The following SYT1 variants were observed in gnomAD, a reference collection of about 807,000 sequenced individuals.
The protein encoded by SYT1 is synaptotagmin-1.
Under a neutral mutation model 44.8 loss-of-function variants are expected in SYT1, and 8 were observed. That is an observed-to-expected ratio of 0.18 (90% confidence interval 0.10 to 0.32). The LOEUF is 0.32. SYT1 is among the 10% of genes least tolerant of loss of function. The pLI, the probability that SYT1 is intolerant of heterozygous loss-of-function variation, is 1.00. For synonymous variants in SYT1, 154 were observed against 188.8 expected (o/e 0.82, Z 1.51); for missense variants, 286 against 509.3 (o/e 0.56, Z 4.22).
chr12:79,121,587 C>T (rs954528167), intron 3 of SYT1, among the ~76,000 whole-genome samples: 25 of 152,192 alleles, frequency 1.6e-4, no homozygotes. Flanking sequence ...ACCACAATCA[C>T]CCCCTCACCC....
intron 4 of SYT1, among the ~76,000 whole-genome samples, chr12:79,225,165 G>C (rs1040338407): frequency 1.3e-5 from 2 of 151,858 alleles, no homozygotes; most frequent in Non-Finnish European, 2.9e-5. Flanking sequence ...AGAGGCAAGG[G>C]TAGAAGAGAA....
intron 2 of SYT1, among the ~76,000 whole-genome samples, chr12:79,031,566 T>C (rs1366961781): frequency 6.6e-6 from 1 of 151,122 alleles, no homozygotes; most frequent in East Asian, 1.9e-4. Flanking sequence ...CCGCTCTTAC[T>C]TCCTGTTAAG....
At chr12:79,391,164 A>C (rs1375804036) in intron 9 of SYT1, among the ~76,000 whole-genome samples, 1 of 152,202 alleles carries the variant, frequency 6.6e-6, no homozygotes, top group African/African-American at 2.4e-5. Flanking sequence ...AGTTGTTTTC[A>C]ATTGGCAGAA....
chr12:78,919,775 G>C (rs918900094), intron 1 of SYT1, among the ~76,000 whole-genome samples: 2 of 152,030 alleles, frequency 1.3e-5, no homozygotes, highest in African/African-American at 4.8e-5. Flanking sequence ...AGAAGATAAA[G>C]TATTGTGTTA....
intron 1 of SYT1, among the ~76,000 whole-genome samples, chr12:78,936,146 T>A (rs1878045017): frequency 6.6e-6 from 1 of 152,170 alleles, no homozygotes. Flanking sequence ...GAAATTTTAA[T>A]CTTTGTCTAC....
chr12:79,217,835 T>C, intron 4 of SYT1, 150 bp downstream of exon 4: 1 of 564,840 alleles, frequency 1.8e-6, no homozygotes, highest in South Asian at 6.0e-5. Flanking sequence ...TAAAATGAAA[T>C]ATTCTTGGAA....
At chr12:79,264,000 T>C (rs1347622607) in intron 4 of SYT1, among the ~76,000 whole-genome samples, 2 of 152,170 alleles carry the variant, frequency 1.3e-5, no homozygotes, top group Non-Finnish European at 2.9e-5. Context: ...TTTGATTGAT[T>C]TGAAATAGAA....
intron 4 of SYT1, among the ~76,000 whole-genome samples, chr12:79,276,672 C>CAAA (rs570244503): frequency 9.5e-5 from 11 of 116,144 alleles, no homozygotes; most frequent in African/African-American, 3.6e-4. Flanking sequence ...AAGACTCCAT[C>CAAA]AAAAAAAAAA....
chr12:79,152,766 C>G (rs1870351405), intron 3 of SYT1, among the ~76,000 whole-genome samples: 1 of 150,512 alleles, frequency 6.6e-6, no homozygotes, highest in Admixed American at 6.6e-5. Flanking sequence ...TGACTAGGGA[C>G]AGGTGAAAGG....
intron 3 of SYT1, among the ~76,000 whole-genome samples, chr12:79,064,922 TAGAGAGAAAGAA>T (rs763015488): frequency 2.8e-5 from 2 of 72,462 alleles, no homozygotes; most frequent in Admixed American, 1.5e-4. Flanking sequence ...GACAAAAAAA[TAGAGAGAAAGAA>T]AGAAAGAAAG....
chr12:79,353,539 A>G lies in SYT1; in HGVS notation c.848A>G (p.Tyr283Cys). Residue 283 changes from tyrosine to cysteine, a missense_variant, in exon 9 of 11, where the codon TAC becomes TGC. This residue lies in a region of SYT1 where 15 missense variants were observed against 84.6 expected (regional missense o/e 0.18). Coordinates refer to ENST00000261205, the MANE Select transcript of SYT1 (RefSeq NM_005639.3). ...GGTGATATCTGCTTCTCCCTTCGCT[A>G]CGTACCTACTGCTGGTAAGCTGACT... ...KLGDICFSLR[Y>C]VPTAGKLTVV... 1 of 1,614,144 alleles carries G rather than the reference A, an allele frequency of 6.2e-7. No homozygotes were observed. Among genetic ancestry groups the G allele is most frequent in the Non-Finnish European group, 8.5e-7 (1 of 1,179,964 alleles).
rs367784598 is a variant in SYT1, at chr12:78,903,707, A to C, written c.-217+38598A>C. Among the ~76,000 whole-genome samples the C allele has an allele frequency of 1.2e-4, 18 of 152,298 alleles. No individual in the cohort carries two copies. In the East Asian group the frequency reaches 2.9e-3, roughly 24 times the overall value. On this transcript the variant is annotated intron_variant, in intron 1 of 10. Transcript: ENST00000261205. ...TTATTGGTTAAAGAGATACACATAT[A>C]TTAATTTCAAAAATTGCTGAATGAA...
intron 2 of SYT1, chr12:79,045,459 A>G (rs540599443): frequency 3.2e-5 from 5 of 154,976 alleles, no homozygotes; most frequent in African/African-American, 1.2e-4. Context: ...AAGTGAGGCA[A>G]TGCCTCGCCC....
intron 9 of SYT1, among the ~76,000 whole-genome samples, chr12:79,401,030 G>T (rs1941082727): frequency 6.6e-6 from 1 of 152,136 alleles, no homozygotes; most frequent in Admixed American, 6.6e-5. Flanking sequence ...AACCTTTTCA[G>T]TGCCTTGGGT....
intron 3 of SYT1, among the ~76,000 whole-genome samples, chr12:79,131,146 T>C (rs532481386): frequency 6.6e-6 from 1 of 152,192 alleles, no homozygotes; most frequent in Non-Finnish European, 1.5e-5. Context: ...CCCATTGTTT[T>C]ATTATACTTT....
chr12:79,071,884 T>C lies in SYT1; in HGVS notation c.-18+24522T>C, dbSNP rs375574373. Among the ~76,000 whole-genome samples, 11 of 152,290 alleles carry C rather than the reference T, an allele frequency of 7.2e-5. No individual in the cohort carries two copies. In the East Asian group the frequency reaches 9.6e-4, roughly 13 times the overall value. On this transcript the variant is annotated intron_variant, in intron 3 of 10. Coordinates refer to ENST00000261205, the MANE Select transcript of SYT1 (RefSeq NM_005639.3). Reference sequence around the variant, plus strand: ...ACCCTATTTCCACATAAAGTCATATTCATAGATACCGGGGATTAGGACTTC... The same window carrying C: ...ACCCTATTTCCACATAAAGTCATATCCATAGATACCGGGGATTAGGACTTC...
intron 3 of SYT1, among the ~76,000 whole-genome samples, chr12:79,074,622 T>A (rs1876508895): frequency 6.6e-6 from 1 of 152,206 alleles, no homozygotes; most frequent in Non-Finnish European, 1.5e-5. Context: ...TGAGTTTTGC[T>A]TACTTATGAA....
rs150180426 is a variant in SYT1, at chr12:79,090,898, G to A, written c.-18+43536G>A. 2.1e-3 allele frequency among the ~76,000 whole-genome samples: 317 copies of A among 152,046 alleles called. 2 individuals carry two copies. Among genetic ancestry groups the A allele is most frequent in the Middle Eastern group, 0.02 (6 of 294 alleles). Reference sequence around the variant, plus strand: ...GAGTAGATGGTAACCTGTGGTAATAGTTTCTCTGTCAGACCTTTAAAAGTG... The same window carrying A: ...GAGTAGATGGTAACCTGTGGTAATAATTTCTCTGTCAGACCTTTAAAAGTG... On this transcript the variant is annotated intron_variant, in intron 3 of 10. Coordinates refer to ENST00000261205, the MANE Select transcript of SYT1 (RefSeq NM_005639.3).
At chr12:79,024,731 G>A (rs755207024) in intron 2 of SYT1, among the ~76,000 whole-genome samples, 3 of 151,788 alleles carry the variant, frequency 2.0e-5, no homozygotes, top group Non-Finnish European at 2.9e-5. Context: ...ATTTCTGTAG[G>A]GGGATGCTGA....
Sources: gnomAD v4.1 joint callset for allele counts (sites outside exome capture counted in the v4.1 genomes callset) on GRCh38, gnomAD v4.1.1 for gene constraint, gnomAD v4.1.1 regional missense constraint, MANE v1.5 for transcripts, NCBI Gene and HGNC (gene_info 2026-07-23, HGNC 2026-07-21) for gene names.